The following CA10 variants were observed in gnomAD, a reference collection of about 807,000 sequenced individuals.
The protein encoded by CA10 is carbonic anhydrase-related protein 10.
CA10 carries 14 observed loss-of-function variants against 44.2 expected under a neutral mutation model. That is an observed-to-expected ratio of 0.32 (90% CI 0.21 to 0.50). The LOEUF is 0.50. Among genes scored for constraint, CA10 ranks in the 20% least tolerant of loss-of-function variants. CA10 has a pLI of 0.99. For synonymous variants in CA10, 159 were observed against 141.6 expected, an observed-to-expected ratio of 1.12 and a Z score of -0.87; for missense variants, 350 against 409.7, an observed-to-expected ratio of 0.85 and a Z score of 1.26.
intron 3 of CA10, among the ~76,000 whole-genome samples, chr17:51,765,723 G>GTA (rs756479399): frequency 2.2e-5 from 3 of 135,894 alleles, no homozygotes; most frequent in African/African-American, 1.0e-4. Flanking sequence ...GTGTGTGTGT[G>GTA]TATGTGTGTG....
intron 2 of CA10, among the ~76,000 whole-genome samples, chr17:52,032,719 GA>G (rs1399863528): frequency 1.3e-5 from 2 of 152,094 alleles, no homozygotes; most frequent in Non-Finnish European, 2.9e-5. Context: ...AACATTTATT[GA>G]GCAAATATTG....
intron 3 of CA10, among the ~76,000 whole-genome samples, chr17:51,875,188 C>T (rs913579950): frequency 1.3e-5 from 2 of 151,992 alleles, no homozygotes; most frequent in Non-Finnish European, 2.9e-5. Context: ...TTCCCAGGAA[C>T]CAGGAGAGCT....
At chr17:51,811,052 C>T (rs1385039625) in intron 3 of CA10, among the ~76,000 whole-genome samples, 4 of 152,032 alleles carry the variant, frequency 2.6e-5, no homozygotes, top group African/African-American at 4.8e-5. Context: ...AAAAATTAGC[C>T]GGGCATGGTG....
At chr17:52,036,247 G>C (rs565095345) in intron 2 of CA10, among the ~76,000 whole-genome samples, 1 of 151,706 alleles carries the variant, frequency 6.6e-6, no homozygotes, top group South Asian at 2.1e-4. Context: ...AGTGAGATCA[G>C]ACAGCAAGTA....
At chr17:52,007,383 T>C (rs1985636410) in intron 2 of CA10, among the ~76,000 whole-genome samples, 1 of 151,638 alleles carries the variant, frequency 6.6e-6, no homozygotes, top group African/African-American at 2.4e-5. Context: ...TGTTGGTGGA[T>C]ACTCTTCAAT....
intron 3 of CA10, among the ~76,000 whole-genome samples, chr17:51,769,313 G>A (rs1305896508): frequency 6.6e-6 from 1 of 152,192 alleles, no homozygotes. Flanking sequence ...GCCAGGCAGT[G>A]TGCTAGAACT....
chr17:51,889,441 C>T (rs1264035571), intron 3 of CA10, among the ~76,000 whole-genome samples: 1 of 152,060 alleles, frequency 6.6e-6, no homozygotes, highest in Non-Finnish European at 1.5e-5. Context: ...GGAGGATCAC[C>T]CAAACCTGGG....
At chr17:51,955,165 AAAG>A (rs1294388877) in intron 2 of CA10, among the ~76,000 whole-genome samples, 2 of 152,082 alleles carry the variant, frequency 1.3e-5, no homozygotes, top group African/African-American at 2.4e-5. Context: ...AAGAGGCAAA[AAAG>A]AAGAGAAAAA....
chr17:51,719,293 T>C (rs183066292), intron 4 of CA10, among the ~76,000 whole-genome samples: 9 of 152,360 alleles, frequency 5.9e-5, no homozygotes, highest in African/African-American at 2.2e-4. Context: ...TTTCAACTTG[T>C]CCTCACAAAA....
chr17:52,098,098 G>C (rs1193336986), intron 1 of CA10, among the ~76,000 whole-genome samples: 2 of 152,084 alleles, frequency 1.3e-5, no homozygotes, highest in African/African-American at 4.8e-5. Context: ...GCCCAGAACT[G>C]CTGTTACATA....
At chr17:51,766,704 T>A (rs534744641) in intron 3 of CA10, among the ~76,000 whole-genome samples, 3 of 152,376 alleles carry the variant, frequency 2.0e-5, no homozygotes, top group African/African-American at 7.2e-5. Flanking sequence ...AGAATCAGGA[T>A]TCTTTCCCTT....
chr17:51,844,411 A>T (rs923221169), intron 3 of CA10, among the ~76,000 whole-genome samples: 5 of 152,212 alleles, frequency 3.3e-5, no homozygotes, highest in Non-Finnish European at 5.9e-5. Context: ...AGTTATATTT[A>T]TTACCTGAAA....
At chr17:52,154,103 A>G (rs969023053) in intron 1 of CA10, among the ~76,000 whole-genome samples, 2 of 152,230 alleles carry the variant, frequency 1.3e-5, no homozygotes, top group African/African-American at 4.8e-5. Flanking sequence ...GTAATCATCT[A>G]AAACTTTTAC....
intron 2 of CA10, among the ~76,000 whole-genome samples, chr17:52,024,519 G>A (rs991399430): frequency 7.2e-5 from 11 of 151,740 alleles, no homozygotes; most frequent in African/African-American, 2.7e-4. Context: ...GGTGGGAGGG[G>A]GTAAAGCTAC....
chr17:52,140,848 C>T (rs918959345), intron 1 of CA10, among the ~76,000 whole-genome samples: 2 of 152,154 alleles, frequency 1.3e-5, no homozygotes, highest in African/African-American at 4.8e-5. Context: ...ACAATCATCT[C>T]TCAGAGCCTG....
intron 3 of CA10, among the ~76,000 whole-genome samples, chr17:51,883,485 T>A (rs1980466551): frequency 6.6e-6 from 1 of 152,200 alleles, no homozygotes; most frequent in South Asian, 2.1e-4. Context: ...CCCATCCCAC[T>A]CACTTCTACT....
intron 3 of CA10, among the ~76,000 whole-genome samples, chr17:51,856,050 G>A (rs1979025970): frequency 1.3e-5 from 2 of 152,130 alleles, no homozygotes; most frequent in African/African-American, 4.8e-5. Flanking sequence ...TGTGCCCCGC[G>A]CAAATGTGCA....
At chr17:52,144,350 AAAT>A (rs1989540262) in intron 1 of CA10, among the ~76,000 whole-genome samples, 1 of 152,198 alleles carries the variant, frequency 6.6e-6, no homozygotes, top group Non-Finnish European at 1.5e-5. Flanking sequence ...AAGTGGGAAA[AAAT>A]AATAAGCAAA....
intron 3 of CA10, among the ~76,000 whole-genome samples, chr17:51,907,481 T>C (rs895282765): frequency 6.6e-6 from 1 of 152,124 alleles, no homozygotes; most frequent in Non-Finnish European, 1.5e-5. Flanking sequence ...TATATGTGTG[T>C]ATATATATCT....
Sources: allele counts gnomAD v4.1 joint callset (sites outside exome capture counted in the v4.1 genomes callset), GRCh38; gene constraint gnomAD v4.1.1; transcripts MANE v1.5; gene names NCBI Gene and HGNC (gene_info 2026-07-23, HGNC 2026-07-21).